EPHA3: variants seen among roughly 807,000 people sequenced by gnomAD.
The protein encoded by EPHA3 is ephrin type-A receptor 3.
EPHA3 carries 42 observed loss-of-function variants against 107.1 expected under a neutral mutation model. The observed-to-expected ratio is 0.39, with a 90% confidence interval of 0.31 to 0.51. The LOEUF (loss-of-function observed/expected upper bound fraction) is 0.51. Ranked by LOEUF, EPHA3 falls within the 20% of genes least tolerant of loss-of-function variation. The probability of loss-of-function intolerance (pLI) is 0.78; values close to 1 mark genes in which losing one functional copy is unlikely to be tolerated. For synonymous variants in EPHA3, 461 were observed against 424.8 expected, an observed-to-expected ratio of 1.09 and a Z score of -1.05; for missense variants, 1,183 against 1,211.2, an observed-to-expected ratio of 0.98 and a Z score of 0.35.
At chr3:89,394,723 C>T (rs1232693479) in intron 5 of EPHA3, among the ~76,000 whole-genome samples, 1 of 152,202 alleles carries the variant, frequency 6.6e-6, no homozygotes, top group Non-Finnish European at 1.5e-5. Flanking sequence ...AATACAAATA[C>T]ATGAGGTTCT....
At chr3:89,303,987 T>C (rs1444703734) in intron 3 of EPHA3, among the ~76,000 whole-genome samples, 3 of 152,184 alleles carry the variant, frequency 2.0e-5, no homozygotes, top group Non-Finnish European at 4.4e-5. Flanking sequence ...TTTCTTTTCC[T>C]TGCTGATTTT....
chr3:89,360,883 T>C (rs926011377), intron 5 of EPHA3, among the ~76,000 whole-genome samples: 2 of 151,110 alleles, frequency 1.3e-5, no homozygotes, highest in Non-Finnish European at 3.0e-5. Flanking sequence ...ATTTCCAAGG[T>C]GACTGGCATT....
chr3:89,202,528 A>AT (rs1240501599), intron 2 of EPHA3, among the ~76,000 whole-genome samples: 7 of 34,214 alleles, frequency 2.0e-4, no homozygotes, highest in East Asian at 2.5e-3. Context: ...AAAAAAAAAA[A>AT]AAAAAAATAT....
chr3:89,359,780 T>TACATATATAC lies in EPHA3; in HGVS notation c.1306+17699_1306+17700insCACATATATA, dbSNP rs1559663657. Among the ~76,000 whole-genome samples the TACATATATAC allele has an allele frequency of 1.5e-4, 21 of 142,954 alleles. 1 individual carries two copies. Among genetic ancestry groups the TACATATATAC allele is most frequent in the African/African-American group, 5.2e-4 (20 of 38,322 alleles). 93.8% of individuals were successfully genotyped at this position (142,954 alleles called of 152,430 possible). A position where few individuals can be genotyped will look rare whatever the true frequency, so the allele number is the denominator to read the frequency against. Reference sequence around the variant, plus strand: ...ATACACATATATACACACATATATATACATATATATACATATATACACATA... The same window carrying TACATATATAC: ...ATACACATATATACACACATATATATACATATATACACATATATATACATATATACACATA... On this transcript the variant is annotated intron_variant, in intron 5 of 16. Coordinates refer to ENST00000336596, the MANE Select transcript of EPHA3 (RefSeq NM_005233.6).
At chr3:89,107,978 T>G in intron 1 of EPHA3, 142 bp downstream of exon 1, 1 of 667,594 alleles carries the variant, frequency 1.5e-6, no homozygotes, top group Non-Finnish European at 2.5e-6. Context: ...AGATGTGCCT[T>G]TTTTTTTTCC....
intron 5 of EPHA3, among the ~76,000 whole-genome samples, chr3:89,374,509 G>T (rs946177512): frequency 4.6e-5 from 7 of 151,812 alleles, no homozygotes; most frequent in African/African-American, 1.5e-4. Context: ...CCATGAAATT[G>T]CTGTTTTATA....
chr3:89,242,928 C>T (rs1432240198), intron 3 of EPHA3, among the ~76,000 whole-genome samples: 2 of 130,650 alleles, frequency 1.5e-5, no homozygotes, highest in African/African-American at 2.8e-5. Flanking sequence ...CAACAGGCCC[C>T]GGTGTGTGAT....
Position 89,347,933 on chromosome 3 carries a change from A to G in EPHA3, c.1306+5843A>G, listed in dbSNP as rs1707712006. Among the ~76,000 whole-genome samples the G allele has an allele frequency of 2.0e-5, 3 of 151,346 alleles. 1 individual carries two copies. The highest frequency in any genetic ancestry group is 4.2e-4 in the South Asian group (2 of 4,806). ...GGATTACATTTATTGATTTGTGTAT[A>G]TTGGACCAGCCTTGCATCCCAGGGA... On this transcript the variant is annotated intron_variant, in intron 5 of 16. Coordinates refer to ENST00000336596, the MANE Select transcript of EPHA3 (RefSeq NM_005233.6).
intron 14 of EPHA3, 122 bp downstream of exon 14, chr3:89,449,496 C>T (rs1343279698): frequency 5.7e-5 from 45 of 791,054 alleles, no homozygotes; most frequent in Non-Finnish European, 8.0e-5. Flanking sequence ...TATTTAGCAG[C>T]AATGAAACTG....
intron 2 of EPHA3, among the ~76,000 whole-genome samples, chr3:89,204,094 G>C (rs1706041833): frequency 6.6e-6 from 1 of 152,142 alleles, no homozygotes; most frequent in Non-Finnish European, 1.5e-5. Context: ...ACATGATTCT[G>C]TTCCTAGCTC....
intron 3 of EPHA3, among the ~76,000 whole-genome samples, chr3:89,211,894 A>AT (rs1401786122): frequency 9.9e-5 from 15 of 150,926 alleles, no homozygotes; most frequent in Non-Finnish European, 2.9e-5. Context: ...TAAATGGTAA[A>AT]TTTTTCTCTT....
rs1420065661 is a variant in EPHA3, at chr3:89,209,994, T to C, written c.288T>C (p.Tyr96=). 2 of 1,613,964 alleles carry C rather than the reference T, an allele frequency of 1.2e-6. No individual in the cohort carries two copies. Among genetic ancestry groups the C allele is most frequent in the Non-Finnish European group, 1.7e-6 (2 of 1,179,918 alleles). ...CCAGGAACTCAGCTCAGAAGATTTA[T>C]GTGGAGCTCAAGTTCACTCTACGAG... ...WVPRNSAQKI[Y]VELKFTLRDC... The change falls in exon 3 of 17, where the codon TAT becomes TAC. Residue 96 remains tyrosine (Y), a synonymous_variant. Coordinates refer to ENST00000336596, the MANE Select transcript of EPHA3 (RefSeq NM_005233.6).
chr3:89,185,168 C>A (rs1221375396), intron 2 of EPHA3, among the ~76,000 whole-genome samples: 1 of 151,982 alleles, frequency 6.6e-6, no homozygotes, highest in Non-Finnish European at 1.5e-5. Context: ...AAAGTCAAAG[C>A]AGCATCAGTA....
rs142008236 is a variant in EPHA3 at position 89,322,701 on chromosome 3, A to G, written c.815-18215A>G. On this transcript the variant is annotated intron_variant, in intron 3 of 16. Transcript: ENST00000336596. ...TAAAAAAGCAAAGCAGCTTTGAGCT[A>G]CAAAGTCAAAGGTAATCATTTCAAT... 3.3e-4 allele frequency among the ~76,000 whole-genome samples: 50 copies of G among 152,236 alleles called. No individual in the cohort carries two copies. In the East Asian group the frequency reaches 8.9e-3, roughly 27 times the overall value.
At chr3:89,453,287 T>C (rs1487927896) in intron 15 of EPHA3, among the ~76,000 whole-genome samples, 1 of 152,092 alleles carries the variant, frequency 6.6e-6, no homozygotes, top group Non-Finnish European at 1.5e-5. Flanking sequence ...TGTAATGTAA[T>C]GTAGGGGTAT....
chr3:89,384,343 A>G (rs577097941), intron 5 of EPHA3, among the ~76,000 whole-genome samples: 37 of 152,300 alleles, frequency 2.4e-4, no homozygotes, highest in African/African-American at 8.7e-4. Context: ...AGATTAACAA[A>G]GCCAGTAGAT....
chr3:89,267,421 A>G (rs1048133560), intron 3 of EPHA3, among the ~76,000 whole-genome samples: 1 of 152,152 alleles, frequency 6.6e-6, no homozygotes, highest in African/African-American at 2.4e-5. Flanking sequence ...TCTCAGGAAG[A>G]CAGGGAGAAA....
At position 89,240,378 on chromosome 3, in the gene EPHA3, C is replaced by T. The variant is rs117628733; in HGVS notation, c.814+29858C>T. Among the ~76,000 whole-genome samples, 13 of 152,048 alleles carry T rather than the reference C, an allele frequency of 8.5e-5. No individual in the cohort carries two copies. The East Asian group carries it at 2.5e-3, about 29-fold the overall frequency. On this transcript the variant is annotated intron_variant, in intron 3 of 16. Coordinates refer to ENST00000336596, the MANE Select transcript of EPHA3 (RefSeq NM_005233.6). ...AGAAAAATACTTGACTGGTATTTTG[C>T]TATACATATAGTGTTATGCACATAT... is the stretch of plus-strand genomic sequence containing the variant.
At chr3:89,221,477 T>G (rs1351140135) in intron 3 of EPHA3, among the ~76,000 whole-genome samples, 1 of 152,232 alleles carries the variant, frequency 6.6e-6, no homozygotes, top group Non-Finnish European at 1.5e-5. Context: ...CTCACTGTTT[T>G]ATTTATTCTC....
Sources: gnomAD v4.1 joint callset for allele counts (sites outside exome capture counted in the v4.1 genomes callset) on GRCh38, gnomAD v4.1.1 for gene constraint, MANE v1.5 for transcripts, NCBI Gene and HGNC (gene_info 2026-07-23, HGNC 2026-07-21) for gene names.